The following SUCLG2 variants were observed in gnomAD, a reference collection of about 807,000 sequenced individuals.
The protein encoded by SUCLG2 is succinate-CoA ligase GDP-forming subunit beta, also known as succinate--CoA ligase [GDP-forming] subunit beta, mitochondrial.
SUCLG2 carries 42 observed loss-of-function variants against 47.9 expected under a neutral mutation model. That is an observed-to-expected ratio of 0.88 (90% CI 0.69 to 1.14). The LOEUF (loss-of-function observed/expected upper bound fraction) is 1.14. SUCLG2 is among the 50% of genes most tolerant of loss of function. The pLI, the probability that SUCLG2 is intolerant of heterozygous loss-of-function variation, is 0.00. For missense variants in SUCLG2, 571 were observed against 525.9 expected (o/e 1.09, Z -0.84); for synonymous variants, 195 against 197.3 (o/e 0.99, Z 0.10).
At chr3:67,653,609 T>C (rs930144346) in intron 1 of SUCLG2, among the ~76,000 whole-genome samples, 26 of 152,278 alleles carry the variant, frequency 1.7e-4, no homozygotes, top group African/African-American at 6.0e-4. Flanking sequence ...AATGGGGAAA[T>C]AGGCAAGGTC....
chr3:67,409,424 C>T (rs1232116364), intron 9 of SUCLG2, among the ~76,000 whole-genome samples: 1 of 152,060 alleles, frequency 6.6e-6, no homozygotes, highest in Non-Finnish European at 1.5e-5. Context: ...AGTGGAATGG[C>T]CACTGGTAGG....
chr3:67,523,143 T>C (rs1706163260), intron 4 of SUCLG2, among the ~76,000 whole-genome samples: 1 of 152,118 alleles, frequency 6.6e-6, no homozygotes, highest in South Asian at 2.1e-4. Flanking sequence ...AAGTTACAGA[T>C]TAAGTAGCAT....
intron 9 of SUCLG2, among the ~76,000 whole-genome samples, chr3:67,439,433 G>C (rs944587784): frequency 6.6e-6 from 1 of 152,154 alleles, no homozygotes; most frequent in African/African-American, 2.4e-5. Flanking sequence ...AGGAAAAGAG[G>C]AAGTCAAATT....
chr3:67,595,536 T>G (rs1708273383), intron 2 of SUCLG2, among the ~76,000 whole-genome samples: 1 of 152,128 alleles, frequency 6.6e-6, no homozygotes, highest in South Asian at 2.1e-4. Context: ...CTCTGCGTCC[T>G]AAGCGAAGGT....
At chr3:67,419,400 A>C (rs1022327150) in intron 9 of SUCLG2, among the ~76,000 whole-genome samples, 31 of 152,152 alleles carry the variant, frequency 2.0e-4, no homozygotes, top group Non-Finnish European at 1.0e-4. Context: ...TACAAACTAC[A>C]GTGAATCAGA....
intron 2 of SUCLG2, among the ~76,000 whole-genome samples, chr3:67,598,502 G>GA (rs1708344677): frequency 6.6e-6 from 1 of 152,208 alleles, no homozygotes. Context: ...ACACCGAAGA[G>GA]ACAGAAATTC....
At chr3:67,558,022 C>T (rs1207888528) in intron 2 of SUCLG2, among the ~76,000 whole-genome samples, 2 of 152,128 alleles carry the variant, frequency 1.3e-5, no homozygotes, top group South Asian at 2.1e-4. Flanking sequence ...GGAACTGAAA[C>T]GTTTGCTGCA....
At chr3:67,400,482 A>C (rs1702657645) in intron 10 of SUCLG2, among the ~76,000 whole-genome samples, 1 of 152,208 alleles carries the variant, frequency 6.6e-6, no homozygotes, top group Non-Finnish European at 1.5e-5. Flanking sequence ...TGATTCATAA[A>C]TAAAAGGGCT....
At chr3:67,538,442 T>G (rs1179856257) in intron 2 of SUCLG2, among the ~76,000 whole-genome samples, 1 of 152,188 alleles carries the variant, frequency 6.6e-6, no homozygotes, top group East Asian at 1.9e-4. Context: ...ACCAGTACCA[T>G]GCTGTTTTGG....
At chr3:67,459,133 G>A (rs187189553) in intron 9 of SUCLG2, among the ~76,000 whole-genome samples, 1 of 152,266 alleles carries the variant, frequency 6.6e-6, no homozygotes, top group East Asian at 1.9e-4. Context: ...AAGGGCAGCT[G>A]TTTTGTGTGT....
At chr3:67,627,603 T>G (rs1700856442) in intron 1 of SUCLG2, among the ~76,000 whole-genome samples, 1 of 152,256 alleles carries the variant, frequency 6.6e-6, no homozygotes, top group Admixed American at 6.5e-5. Context: ...ACTTTCTCTT[T>G]CGCCATCTGG....
chr3:67,533,969 T>C (rs1706470784), intron 2 of SUCLG2, among the ~76,000 whole-genome samples: 1 of 151,270 alleles, frequency 6.6e-6, no homozygotes, highest in African/African-American at 2.4e-5. Flanking sequence ...CATTTCACCA[T>C]TGGTCACATC....
intron 6 of SUCLG2, among the ~76,000 whole-genome samples, chr3:67,515,326 G>C (rs1253159261): frequency 6.6e-6 from 1 of 152,092 alleles, no homozygotes; most frequent in Non-Finnish European, 1.5e-5. Context: ...GGAAGTCTTG[G>C]GACGTATCCT....
chr3:67,612,733 T>C (rs1401830180), intron 1 of SUCLG2, among the ~76,000 whole-genome samples: 1 of 152,070 alleles, frequency 6.6e-6, no homozygotes, highest in Non-Finnish European at 1.5e-5. Flanking sequence ...TACCTAGAGT[T>C]AGCACCAGAT....
intron 2 of SUCLG2, among the ~76,000 whole-genome samples, chr3:67,591,045 C>T (rs114126373): frequency 3.3e-3 from 506 of 152,250 alleles, no homozygotes; most frequent in Admixed American, 7.5e-3. Context: ...GACATGTTTT[C>T]CAGGAAAAGT....
At chr3:67,474,088 T>C (rs112390641) in intron 9 of SUCLG2, among the ~76,000 whole-genome samples, 513 of 152,006 alleles carry the variant, frequency 3.4e-3, no homozygotes, top group Non-Finnish European at 5.5e-3. Flanking sequence ...AAACCCGTCT[T>C]TACTAAAAAT....
chr3:67,576,329 A>G (rs1401369868), intron 2 of SUCLG2, among the ~76,000 whole-genome samples: 1 of 152,154 alleles, frequency 6.6e-6, no homozygotes, highest in Non-Finnish European at 1.5e-5. Flanking sequence ...ACAGTATGCC[A>G]TGGTAGGATT....
At chr3:67,539,495 A>C (rs138405273) in intron 2 of SUCLG2, among the ~76,000 whole-genome samples, 1 of 152,090 alleles carries the variant, frequency 6.6e-6, no homozygotes, top group Non-Finnish European at 1.5e-5. Context: ...ATCGATGTTC[A>C]TCAGGGATGT....
intron 9 of SUCLG2, among the ~76,000 whole-genome samples, chr3:67,456,943 A>G (rs764958214): frequency 5.3e-5 from 8 of 152,198 alleles, no homozygotes; most frequent in Non-Finnish European, 8.8e-5. Flanking sequence ...TCTTCTTTAT[A>G]CCTTTATGTA....
Sources: allele counts gnomAD v4.1 joint callset (sites outside exome capture counted in the v4.1 genomes callset), GRCh38; gene constraint gnomAD v4.1.1; transcripts MANE v1.5; gene names NCBI Gene and HGNC (gene_info 2026-07-23, HGNC 2026-07-21).